NTRK3: variants seen among roughly 807,000 people sequenced by gnomAD.
The protein encoded by NTRK3 is NT-3 growth factor receptor.
In NTRK3, 24 loss-of-function variants were observed where a neutral mutation model predicts 91.7. The observed-to-expected ratio is 0.26, with a 90% confidence interval of 0.19 to 0.37. The LOEUF (loss-of-function observed/expected upper bound fraction) is 0.37, where lower values mean the gene tolerates loss of function less well. Among genes scored for constraint, NTRK3 ranks in the 10% least tolerant of loss-of-function variants. The pLI is 1.00. For missense variants in NTRK3, 880 were observed against 1,068.9 expected (o/e 0.82, Z 2.46); for synonymous variants, 483 against 404.0 (o/e 1.20, Z -2.34).
At chr15:87,986,798 T>C (rs531995835) in intron 14 of NTRK3, among the ~76,000 whole-genome samples, 1 of 152,370 alleles carries the variant, frequency 6.6e-6, no homozygotes, top group Non-Finnish European at 1.5e-5. Flanking sequence ...TTGGCAAACT[T>C]ATCCTATAAA....
chr15:87,874,522 A>C (rs184567957), exon 19 of NTRK3: 2 of 233,058 alleles, frequency 8.6e-6, no homozygotes, highest in Admixed American at 5.6e-5. Context: ...ACCCATCTCC[A>C]ACCCAGTTCT....
chr15:87,917,656 T>C (rs1026722624), intron 17 of NTRK3, among the ~76,000 whole-genome samples: 4 of 152,192 alleles, frequency 2.6e-5, no homozygotes, highest in African/African-American at 9.6e-5. Context: ...TGGGGGTGGA[T>C]CCCTGAGGGA....
At chr15:87,999,513 GA>G (rs1431522624) in intron 14 of NTRK3, among the ~76,000 whole-genome samples, 1 of 152,154 alleles carries the variant, frequency 6.6e-6, no homozygotes, top group Non-Finnish European at 1.5e-5. Flanking sequence ...AATGAAATGG[GA>G]TGTCACTGAA....
intron 13 of NTRK3, among the ~76,000 whole-genome samples, chr15:88,058,903 C>T (rs555441800): frequency 6.6e-6 from 1 of 152,280 alleles, no homozygotes; most frequent in Admixed American, 6.5e-5. Context: ...CCTTCATTCT[C>T]CTCTGAGCCA....
At chr15:88,036,734 T>A (rs1035658989) in intron 13 of NTRK3, among the ~76,000 whole-genome samples, 2 of 152,180 alleles carry the variant, frequency 1.3e-5, no homozygotes, top group African/African-American at 4.8e-5. Context: ...GACTACTTGC[T>A]TTATTAGAAT....
chr15:88,087,955 G>A (rs369185390), intron 13 of NTRK3, among the ~76,000 whole-genome samples: 9 of 152,154 alleles, frequency 5.9e-5, no homozygotes, highest in South Asian at 2.1e-4. Flanking sequence ...GGAGGCTGAC[G>A]TGGAAGAATT....
chr15:88,009,351 A>G (rs1026506318), intron 14 of NTRK3, among the ~76,000 whole-genome samples: 4 of 151,530 alleles, frequency 2.6e-5, no homozygotes, highest in African/African-American at 7.3e-5. Flanking sequence ...AGTGTAGATG[A>G]GCAGAAAGAG....
intron 17 of NTRK3, among the ~76,000 whole-genome samples, chr15:87,882,157 A>C (rs1021201895): frequency 3.3e-5 from 5 of 152,148 alleles, no homozygotes; most frequent in Non-Finnish European, 7.3e-5. Context: ...TGGCCTCCCA[A>C]AGTGCTGGGA....
chr15:88,111,906 T>TG (rs1391881454), intron 13 of NTRK3, among the ~76,000 whole-genome samples: 4 of 89,466 alleles, frequency 4.5e-5, no homozygotes, highest in African/African-American at 2.5e-4. Context: ...TTTTTTGTTT[T>TG]TGTTTTTTTT....
intron 3 of NTRK3, among the ~76,000 whole-genome samples, chr15:88,225,969 C>T (rs2050636855): frequency 6.6e-6 from 1 of 152,192 alleles, no homozygotes; most frequent in African/African-American, 2.4e-5. Flanking sequence ...GGAGAGATGG[C>T]CCTTCTAAAG....
chr15:88,111,120 G>A (rs1371604490), intron 13 of NTRK3, among the ~76,000 whole-genome samples: 1 of 152,216 alleles, frequency 6.6e-6, no homozygotes, highest in Non-Finnish European at 1.5e-5. Context: ...ATGAGCGATG[G>A]GGTGGGGGTT....
chr15:87,979,417 G>C, intron 14 of NTRK3: 1 of 1,613,746 alleles, frequency 6.2e-7, no homozygotes, highest in Non-Finnish European at 8.5e-7. Flanking sequence ...TAAGAGGCTT[G>C]GAATGTCCGG....
intron 14 of NTRK3, among the ~76,000 whole-genome samples, chr15:87,999,772 C>A (rs1037715249): frequency 3.3e-5 from 5 of 152,058 alleles, no homozygotes; most frequent in African/African-American, 1.2e-4. Flanking sequence ...CTGGGACAGA[C>A]AATAGAGGCT....
chr15:87,973,112 C>G (rs1434111832), intron 14 of NTRK3, among the ~76,000 whole-genome samples: 1 of 152,124 alleles, frequency 6.6e-6, no homozygotes, highest in African/African-American at 2.4e-5. Flanking sequence ...ACCCAGAAGT[C>G]AAGCATAATG....
At chr15:88,184,088 A>T (rs531971729) in intron 4 of NTRK3, 137 bp downstream of exon 4, 51 of 832,834 alleles carry the variant, frequency 6.1e-5, no homozygotes, top group Non-Finnish European at 1.2e-5. Flanking sequence ...CATATTGCCA[A>T]CTCTACCAAA....
chr15:88,112,202 A>G (rs1567435447), intron 13 of NTRK3, among the ~76,000 whole-genome samples: 1 of 152,198 alleles, frequency 6.6e-6, no homozygotes. Flanking sequence ...CACCATGCTC[A>G]GCCTCTGGTT....
intron 13 of NTRK3, among the ~76,000 whole-genome samples, chr15:88,076,280 G>T (rs2047537336): frequency 6.6e-6 from 1 of 152,074 alleles, no homozygotes; most frequent in South Asian, 2.1e-4. Context: ...ACTATCATAA[G>T]ACCAGCACTG....
At chr15:88,049,517 C>A (rs982968563) in intron 13 of NTRK3, among the ~76,000 whole-genome samples, 12 of 152,210 alleles carry the variant, frequency 7.9e-5, no homozygotes, top group Non-Finnish European at 1.3e-4. Flanking sequence ...ATTAGCTGAT[C>A]CTGACACTGA....
intron 14 of NTRK3, among the ~76,000 whole-genome samples, chr15:87,958,748 T>C (rs1340187040): frequency 6.6e-6 from 1 of 152,062 alleles, no homozygotes; most frequent in African/African-American, 2.4e-5. Flanking sequence ...CTCTCTCACC[T>C]GGGCAGGGGT....
Sources: gnomAD v4.1 joint callset for allele counts (sites outside exome capture counted in the v4.1 genomes callset) on GRCh38, gnomAD v4.1.1 for gene constraint, MANE v1.5 for transcripts, NCBI Gene and HGNC (gene_info 2026-07-23, HGNC 2026-07-21) for gene names.